The following ZNF26 variants were observed in gnomAD, a reference collection of about 807,000 sequenced individuals.
ZNF26 encodes the protein epididymis luminal protein 179.
ZNF26 carries 32 observed loss-of-function variants against 54.9 expected under a neutral mutation model. That is an observed-to-expected ratio of 0.58 (90% confidence interval 0.44 to 0.78). The LOEUF (loss-of-function observed/expected upper bound fraction) is 0.78, where lower values mean the gene tolerates loss of function less well. Among genes scored for constraint, ZNF26 ranks in the 30% least tolerant of loss-of-function variants. ZNF26 has a pLI of 0.00. For synonymous variants in ZNF26, 221 were observed against 209.2 expected, an observed-to-expected ratio of 1.06 and a Z score of -0.49; for missense variants, 524 against 634.0, an observed-to-expected ratio of 0.83 and a Z score of 1.86.
Position 133,001,681 on chromosome 12 carries a change from G to T in ZNF26, c.34-5361G>T. The T allele has an allele frequency of 7.8e-7, 1 of 1,289,136 alleles. No homozygotes were observed. Among genetic ancestry groups the T allele is most frequent in the Non-Finnish European group, 1.0e-6 (1 of 988,708 alleles). The allele number at this position is 1,289,136 out of a possible 1,614,324, so 79.9% of individuals were successfully genotyped here. ...GCTAATGAGCTCAAGTGTCAAGTTC[G>T]GGAATCTTCTGGGTGTTCCTTGGGC... On this transcript the variant is annotated intron_variant, in intron 1 of 3. Coordinates refer to ENST00000328654, the MANE Select transcript of ZNF26 (RefSeq NM_019591.4). This position sits in a 1 kb window ranked among gnomAD's most constrained non-coding sequence, Gnocchi z 4.7.
chr12:132,999,720 T>A (rs1232643117), intron 1 of ZNF26, among the ~76,000 whole-genome samples: 14 of 151,636 alleles, frequency 9.2e-5, no homozygotes, highest in Admixed American at 8.5e-4. Flanking sequence ...TGAGGGGGAG[T>A]CTCGCCCTTG....
intron 1 of ZNF26, among the ~76,000 whole-genome samples, chr12:133,003,025 G>C (rs1268329889): frequency 6.6e-6 from 1 of 152,014 alleles, no homozygotes; most frequent in Admixed American, 6.6e-5. Flanking sequence ...GGACCTGGGA[G>C]CCTAATTCAT....
intron 1 of ZNF26, chr12:133,006,232 G>A (rs1953322532): frequency 2.2e-5 from 22 of 985,290 alleles, no homozygotes; most frequent in Non-Finnish European, 2.7e-5. Context: ...AGAGATGGAA[G>A]CCCCAGACCA....
chr12:132,988,951 AG>A (rs1384809216), intron 1 of ZNF26, among the ~76,000 whole-genome samples: 1 of 151,170 alleles, frequency 6.6e-6, no homozygotes, highest in African/African-American at 2.4e-5. Flanking sequence ...TGTACAGGAA[AG>A]GGGTTGACTT....
At position 133,010,600 on chromosome 12, in the gene ZNF26, T is replaced by C; in HGVS notation, c.721T>C (p.Phe241Leu). ...SCSECEKVFSFRSQLIVHQEI... is the reference protein window; with the variant it reads ...SCSECEKVFSLRSQLIVHQEI... ...TAGTGAGTGCGAGAAGGTCTTCTCT[T>C]TCAGGTCACAGCTCATTGTCCATCA... The change falls in exon 4 of 4, where the codon TTC becomes CTC. Residue 241 changes from phenylalanine to leucine, a missense_variant. Coordinates refer to ENST00000328654, the MANE Select transcript of ZNF26 (RefSeq NM_019591.4). The C allele has an allele frequency of 6.2e-7, 1 of 1,614,064 alleles. No homozygotes were observed. Among genetic ancestry groups the C allele is most frequent in the Non-Finnish European group, 8.5e-7 (1 of 1,179,998 alleles).
chr12:132,999,594 C>CA (rs1953167294), intron 1 of ZNF26, among the ~76,000 whole-genome samples: 1 of 151,994 alleles, frequency 6.6e-6, no homozygotes, highest in Non-Finnish European at 1.5e-5. Flanking sequence ...GTGGTTTACA[C>CA]AAAGTATAAT....
At chr12:132,989,025 T>G (rs1952889218) in intron 1 of ZNF26, among the ~76,000 whole-genome samples, 1 of 129,294 alleles carries the variant, frequency 7.7e-6, no homozygotes, top group South Asian at 2.5e-4. Context: ...AGTCTTTCGG[T>G]GAATTTTTTT....
chr12:133,010,610 A>T lies in ZNF26; in HGVS notation c.731A>T (p.Gln244Leu). The stretch of plus-strand genomic sequence containing the variant: ...GAGAAGGTCTTCTCTTTCAGGTCAC[A>T]GCTCATTGTCCATCAGGAAATTCAC... ...ECEKVFSFRS[Q>L]LIVHQEIHTG... The change falls in exon 4 of 4, where the codon CAG (glutamine) becomes CTG (leucine). Residue 244 changes from glutamine to leucine, a missense_variant. Physicochemically the swap from Gln to Leu is moderately radical, Grantham distance 113. Transcript: ENST00000328654. 1 of 1,614,246 alleles carries T rather than the reference A, an allele frequency of 6.2e-7. No homozygotes were observed. The highest frequency in any genetic ancestry group is 8.5e-7 in the Non-Finnish European group (1 of 1,180,044).
Position 133,003,286 on chromosome 12 carries a change from C to T in ZNF26, c.34-3756C>T, listed in dbSNP as rs369342670. Among the ~76,000 whole-genome samples the T allele has an allele frequency of 6.7e-3, 964 of 143,614 alleles. 6 individuals are homozygous for T. The highest frequency in any genetic ancestry group is 9.2e-3 in the Non-Finnish European group (608 of 66,398). The allele number at this position is 143,614 out of a possible 152,430, so 94.2% of individuals were successfully genotyped here. A position where few individuals can be genotyped will look rare whatever the true frequency, so the allele number is the denominator to read the frequency against. ...TTTTTTTTTTTTTGAGATGGAGTCTCGCTCTGTTGCCCAGCTGGAGTGCAG... is the reference window on the plus strand; with the variant it reads ...TTTTTTTTTTTTTGAGATGGAGTCTTGCTCTGTTGCCCAGCTGGAGTGCAG... On this transcript the variant is annotated intron_variant, in intron 1 of 3. Transcript: ENST00000328654.
chr12:133,014,141 T>A lies in ZNF26; in HGVS notation c.*2660T>A, dbSNP rs1315087829. On this transcript the variant is annotated 3_prime_UTR_variant, in exon 4 of 4. Coordinates refer to ENST00000328654, the MANE Select transcript of ZNF26 (RefSeq NM_019591.4). ...ACACTAAACATGCCCTGGGATGGGATTGCTCATTTAGGAAAATATGTAGAA... is the reference window on the plus strand; with the variant it reads ...ACACTAAACATGCCCTGGGATGGGAATGCTCATTTAGGAAAATATGTAGAA... The A allele has an allele frequency of 1.3e-5, 2 of 152,244 alleles. No individual in the cohort carries two copies. Among genetic ancestry groups the A allele is most frequent in the African/African-American group, 4.8e-5 (2 of 41,462 alleles). 9.4% of individuals were successfully genotyped at this position (152,244 alleles called of 1,614,324 possible). A position where few individuals can be genotyped will look rare whatever the true frequency, so the allele number is the denominator to read the frequency against.
chr12:133,015,242 T>C lies in ZNF26; in HGVS notation c.*3761T>C, dbSNP rs1235394780. 2.6e-5 allele frequency: 4 copies of C among 151,226 alleles called. No individual in the cohort carries two copies. The highest frequency in any genetic ancestry group is 7.3e-5 in the African/African-American group (3 of 41,104). The allele number at this position is 151,226 out of a possible 1,614,324, so 9.4% of individuals were successfully genotyped here. A position where few individuals can be genotyped will look rare whatever the true frequency, so the allele number is the denominator to read the frequency against. On this transcript the variant is annotated 3_prime_UTR_variant, in exon 4 of 4. Transcript: ENST00000328654. ...GGTGGCGGGCGCCTGTAATCCCAGC[T>C]ACTTGGGAGGCTGAGGCAGGAGAAT...
chr12:133,007,407 T>A, intron 2 of ZNF26, 30 bp from the exon 3 acceptor site: 1 of 1,581,360 alleles, frequency 6.3e-7, no homozygotes, highest in Non-Finnish European at 8.7e-7. Context: ...AACAGCCTGG[T>A]CCCCACCCTT....
rs77349696 is a variant in ZNF26 at position 133,026,519 on chromosome 12, C to CTTTTT, written c.*15059_*15063dup. The CTTTTT allele has an allele frequency of 8.2e-6, 1 of 122,466 alleles. No individual in the cohort carries two copies. Among genetic ancestry groups the CTTTTT allele is most frequent in the African/African-American group, 3.6e-5 (1 of 27,450 alleles). 7.6% of individuals were successfully genotyped at this position (122,466 alleles called of 1,614,324 possible). On this transcript the variant is annotated 3_prime_UTR_variant, in exon 4 of 4. Coordinates refer to ENST00000328654, the MANE Select transcript of ZNF26 (RefSeq NM_019591.4). ...AAAAGGACAACTTCATATAGTTCAA[C>CTTTTT]TTTTTTTTTTTTTTTTTTTTTTTTT...
intron 1 of ZNF26, among the ~76,000 whole-genome samples, chr12:132,993,225 A>T (rs1953002174): frequency 1.3e-5 from 2 of 151,390 alleles, no homozygotes; most frequent in African/African-American, 4.9e-5. Flanking sequence ...GAGTTTCAGT[A>T]TGTTGGTTAG....
Position 133,023,472 on chromosome 12 carries a change from A to T in ZNF26, c.*11991A>T, listed in dbSNP as rs1953667022. The T allele has an allele frequency of 6.6e-6, 1 of 152,240 alleles. No individual in the cohort carries two copies. The highest frequency in any genetic ancestry group is 1.5e-5 in the Non-Finnish European group (1 of 68,050). The allele number at this position is 152,240 out of a possible 1,614,324, so 9.4% of individuals were successfully genotyped here. A position where few individuals can be genotyped will look rare whatever the true frequency, so the allele number is the denominator to read the frequency against. On this transcript the variant is annotated 3_prime_UTR_variant, in exon 4 of 4. Transcript: ENST00000328654. ...ACCTTTACACCAAATCAGGATAGAG[A>T]CAGTAGAAGAAAAAATAAATACAGG...
chr12:133,002,694 A>G (rs960394472), intron 1 of ZNF26, among the ~76,000 whole-genome samples: 9 of 150,954 alleles, frequency 6.0e-5, no homozygotes, highest in Non-Finnish European at 1.0e-4. Flanking sequence ...TGCGATTTCT[A>G]CTCACTGCAA....
chr12:133,007,368 G>A, intron 2 of ZNF26, 69 bp from the exon 3 acceptor site: 2 of 1,419,782 alleles, frequency 1.4e-6, no homozygotes, highest in Admixed American at 1.9e-5. Flanking sequence ...GTTTTGCTCT[G>A]TAGCTCTTGA....
chr12:132,993,250 T>C (rs374131516), intron 1 of ZNF26, among the ~76,000 whole-genome samples: 2,518 of 151,858 alleles, frequency 0.017, 78 homozygotes, highest in African/African-American at 0.057. Context: ...GTTTCGAACT[T>C]CTGACCTCAA....
Position 133,020,492 on chromosome 12 carries a change from A to G in ZNF26, c.*9011A>G, listed in dbSNP as rs1953626312. 3 of 152,080 alleles carry G rather than the reference A, an allele frequency of 2.0e-5. No homozygotes were observed. Among genetic ancestry groups the G allele is most frequent in the African/African-American group, 7.2e-5 (3 of 41,440 alleles). 9.4% of individuals were successfully genotyped at this position (152,080 alleles called of 1,614,324 possible). ...TTATATATTTATATTTTGCCTCAAA[A>G]AAGGCAAAAAAGAAGATATAATAAT... On this transcript the variant is annotated 3_prime_UTR_variant, in exon 4 of 4. Coordinates refer to ENST00000328654, the MANE Select transcript of ZNF26 (RefSeq NM_019591.4).
Sources: gnomAD v4.1 joint callset for allele counts (sites outside exome capture counted in the v4.1 genomes callset) on GRCh38, gnomAD v4.1.1 for gene constraint, Gnocchi (gnomAD v3.1) non-coding constraint, MANE v1.5 for transcripts, NCBI Gene and HGNC (gene_info 2026-07-23, HGNC 2026-07-21) for gene names.